Variants in RAP1B observed in about 807,000 individuals in gnomAD.
RAP1B encodes the protein RAP1B, member of RAS oncogene family.
In RAP1B, 1 loss-of-function variant was observed where a neutral mutation model predicts 27.5. That is an observed-to-expected ratio of 0.04 (90% confidence interval 0.01 to 0.17). The LOEUF (loss-of-function observed/expected upper bound fraction) is 0.17, where lower values mean the gene tolerates loss of function less well. Among genes scored for constraint, RAP1B ranks in the 10% least tolerant of loss-of-function variants. RAP1B has a pLI of 1.00. For synonymous variants in RAP1B, 75 were observed against 73.1 expected (o/e 1.03, Z -0.13); for missense variants, 84 against 214.8 (o/e 0.39, Z 3.81).
intron 5 of RAP1B, among the ~76,000 whole-genome samples, chr12:68,654,947 C>CAGCA (rs1490917027): frequency 6.6e-6 from 1 of 152,064 alleles, no homozygotes; most frequent in Non-Finnish European, 1.5e-5. Flanking sequence ...TTCAGTAGGT[C>CAGCA]AGCAGTAGGA....
chr12:68,620,625 C>T (rs557228743), intron 1 of RAP1B, among the ~76,000 whole-genome samples: 15 of 143,752 alleles, frequency 1.0e-4, no homozygotes, highest in African/African-American at 2.3e-4. Context: ...TTTTTTGAGA[C>T]AAGGTCTCAC....
intron 1 of RAP1B, among the ~76,000 whole-genome samples, chr12:68,630,661 G>A (rs1872167778): frequency 6.6e-6 from 1 of 151,688 alleles, no homozygotes; most frequent in African/African-American, 2.4e-5. Context: ...TTTTGGTTTT[G>A]GGGTCTTTTT....
chr12:68,614,781 A>G (rs1416143418), intron 1 of RAP1B, among the ~76,000 whole-genome samples: 1 of 152,230 alleles, frequency 6.6e-6, no homozygotes, highest in Non-Finnish European at 1.5e-5. Context: ...GTACTGTACC[A>G]TGGCTCTGGA....
rs983217396 is a variant in RAP1B at position 68,661,988 on chromosome 12, G to T, written c.*2739G>T. 2 of 144,132 alleles carry T rather than the reference G, an allele frequency of 1.4e-5. No individual in the cohort carries two copies. The highest frequency in any genetic ancestry group is 1.5e-5 in the Non-Finnish European group (1 of 66,112). The allele number at this position is 144,132 out of a possible 1,614,324, so 8.9% of individuals were successfully genotyped here. On this transcript the variant is annotated 3_prime_UTR_variant, in exon 8 of 8. Coordinates refer to ENST00000250559, the MANE Select transcript of RAP1B (RefSeq NM_001010942.3). ...TACTTCATAGGAGAGTGAAATGAAT[G>T]CCAGTGCTATCCTCTAGGTCTATAT...
At chr12:68,634,042 TAGA>T (rs1872456321) in intron 1 of RAP1B, among the ~76,000 whole-genome samples, 1 of 152,096 alleles carries the variant, frequency 6.6e-6, no homozygotes, top group South Asian at 2.1e-4. Flanking sequence ...AATACCAAGG[TAGA>T]ATGAATCAGA....
intron 1 of RAP1B, among the ~76,000 whole-genome samples, chr12:68,639,679 G>A (rs1027756994): frequency 2.6e-5 from 4 of 152,092 alleles, no homozygotes; most frequent in African/African-American, 9.7e-5. Flanking sequence ...TCACCAAAGG[G>A]CATTTTGTAC....
intron 5 of RAP1B, among the ~76,000 whole-genome samples, chr12:68,655,197 G>C (rs1208716028): frequency 6.6e-6 from 1 of 152,000 alleles, no homozygotes; most frequent in Non-Finnish European, 1.5e-5. Flanking sequence ...GCGTGCCTGT[G>C]GTCTCAGCTA....
At chr12:68,623,734 G>A (rs568125170) in intron 1 of RAP1B, among the ~76,000 whole-genome samples, 3 of 152,334 alleles carry the variant, frequency 2.0e-5, no homozygotes, top group Non-Finnish European at 4.4e-5. Flanking sequence ...ATAAGAAGTC[G>A]GTTTCAGGCT....
In RAP1B at chr12:68,665,190, T is replaced by TA. The variant is rs1874798197; in HGVS notation, c.*5942dup. The TA allele has an allele frequency of 6.6e-6, 1 of 152,234 alleles. No individual in the cohort carries two copies. Among genetic ancestry groups the TA allele is most frequent in the East Asian group, 1.9e-4 (1 of 5,200 alleles). The allele number at this position is 152,234 out of a possible 1,614,324, so 9.4% of individuals were successfully genotyped here. A position where few individuals can be genotyped will look rare whatever the true frequency, so the allele number is the denominator to read the frequency against. ...GGATGGGTATGGTACAGCAGGTAGT[T>TA]ATGGGGAGACCTCTACTGTTCTAAA... On this transcript the variant is annotated 3_prime_UTR_variant, in exon 8 of 8. Coordinates refer to ENST00000250559, the MANE Select transcript of RAP1B (RefSeq NM_001010942.3).
rs139102151 is a variant in RAP1B, at chr12:68,627,576, T to C, written c.-27+16533T>C. Among the ~76,000 whole-genome samples, 349 of 151,964 alleles carry C rather than the reference T, an allele frequency of 2.3e-3. 2 individuals are homozygous for C. The highest frequency in any genetic ancestry group is 8.2e-3 in the African/African-American group (340 of 41,230). On this transcript the variant is annotated intron_variant, in intron 1 of 7. Transcript: ENST00000250559. ...CCTCTCGTTATTCCCAGCGTGACTT[T>C]TGTTTTACCCACTTTTCGAAATACC...
intron 1 of RAP1B, among the ~76,000 whole-genome samples, chr12:68,614,779 C>T (rs1373079869): frequency 2.0e-5 from 3 of 152,130 alleles, no homozygotes; most frequent in Non-Finnish European, 2.9e-5. Context: ...GAGTACTGTA[C>T]CATGGCTCTG....
chr12:68,621,774 C>T (rs1322214906), intron 1 of RAP1B, among the ~76,000 whole-genome samples: 1 of 152,146 alleles, frequency 6.6e-6, no homozygotes, highest in Non-Finnish European at 1.5e-5. Context: ...TCAGAAGGTC[C>T]TATGTAGAGG....
At chr12:68,627,364 A>C in intron 1 of RAP1B, 1 of 694,736 alleles carries the variant, frequency 1.4e-6, no homozygotes. Flanking sequence ...CAGTTGGCTT[A>C]ATAGGCTGCA....
chr12:68,668,973 A>G lies in RAP1B; in HGVS notation c.*9724A>G, dbSNP rs1874960253. 1 of 152,216 alleles carries G rather than the reference A, an allele frequency of 6.6e-6. No homozygotes were observed. Among genetic ancestry groups the G allele is most frequent in the African/African-American group, 2.4e-5 (1 of 41,460 alleles). The allele number at this position is 152,216 out of a possible 1,614,324, so 9.4% of individuals were successfully genotyped here. On this transcript the variant is annotated 3_prime_UTR_variant, in exon 8 of 8. Transcript: ENST00000250559. ...CTGAGTCTCCTAATAGAGCTAATGAATGCATTATATCAAAAGAATGAAATG... is the reference window on the plus strand; with the variant it reads ...CTGAGTCTCCTAATAGAGCTAATGAGTGCATTATATCAAAAGAATGAAATG...
At chr12:68,631,156 C>G (rs1872207188) in intron 1 of RAP1B, among the ~76,000 whole-genome samples, 1 of 152,034 alleles carries the variant, frequency 6.6e-6, no homozygotes. Flanking sequence ...AATAGGGAAG[C>G]AAAAATGTTT....
At chr12:68,647,828 A>G (rs1164706156) in intron 1 of RAP1B, among the ~76,000 whole-genome samples, 2 of 152,178 alleles carry the variant, frequency 1.3e-5, no homozygotes, top group African/African-American at 4.8e-5. Context: ...GTAGAAGCAT[A>G]TCCTCTGAGG....
intron 1 of RAP1B, among the ~76,000 whole-genome samples, chr12:68,640,348 C>T (rs572933923): frequency 3.3e-5 from 5 of 152,074 alleles, no homozygotes; most frequent in African/African-American, 1.2e-4. Context: ...TCACAGCTGA[C>T]ACTTTATACT....
At chr12:68,629,586 C>T (rs1195741988) in intron 1 of RAP1B, among the ~76,000 whole-genome samples, 1 of 152,142 alleles carries the variant, frequency 6.6e-6, no homozygotes, top group Non-Finnish European at 1.5e-5. Flanking sequence ...CCCAAGCTGT[C>T]CTTTTCAATT....
chr12:68,632,136 TTTTTTTTTTG>T (rs1872295385), intron 1 of RAP1B, among the ~76,000 whole-genome samples: 1 of 134,168 alleles, frequency 7.5e-6, no homozygotes, highest in Non-Finnish European at 1.5e-5. Flanking sequence ...TTTGTTTTTT[TTTTTTTTTTG>T]TTTGTTTTTT....
Sources: gnomAD v4.1 joint callset for allele counts (sites outside exome capture counted in the v4.1 genomes callset) on GRCh38, gnomAD v4.1.1 for gene constraint, MANE v1.5 for transcripts, NCBI Gene and HGNC (gene_info 2026-07-23, HGNC 2026-07-21) for gene names.